The following MED18 variants were observed in gnomAD, a reference collection of about 807,000 sequenced individuals.
MED18 encodes mediator of RNA polymerase II transcription subunit 18.
Under a neutral mutation model 13.9 loss-of-function variants are expected in MED18, and 10 were observed. The ratio of observed to expected loss-of-function variants is 0.72; its 90% CI spans 0.44 to 1.22. The LOEUF (loss-of-function observed/expected upper bound fraction) is 1.22, where lower values mean the gene tolerates loss of function less well. Ranked by LOEUF, MED18 falls within the 50% of genes most tolerant of loss-of-function variation. MED18 has a pLI of 0.00. For missense variants in MED18, 216 were observed against 279.0 expected, an observed-to-expected ratio of 0.77 and a Z score of 1.61; for synonymous variants, 88 against 93.2, an observed-to-expected ratio of 0.94 and a Z score of 0.32.
intron 1 of MED18, 96 bp downstream of exon 1, chr1:28,329,276 C>CT (rs1324812796): frequency 1.5e-4 from 20 of 129,144 alleles, no homozygotes; most frequent in Admixed American, 3.1e-4. Flanking sequence ...TTGGCTCTCT[C>CT]TCTCTTTTTT....
At position 28,329,099 on chromosome 1, in the gene MED18, T is replaced by A. The variant is rs1649609503; in HGVS notation, c.-148T>A. 1 of 152,152 alleles carries A rather than the reference T, an allele frequency of 6.6e-6. No homozygotes were observed. The highest frequency in any genetic ancestry group is 1.5e-5 in the Non-Finnish European group (1 of 68,048). The allele number at this position is 152,152 out of a possible 1,614,324, so 9.4% of individuals were successfully genotyped here. A position where few individuals can be genotyped will look rare whatever the true frequency, so the allele number is the denominator to read the frequency against. On this transcript the variant is annotated 5_prime_UTR_variant, in exon 1 of 3. Coordinates refer to ENST00000373842, the MANE Select transcript of MED18 (RefSeq NM_017638.3). ...GGCTCGGGTAACCGGAGTGCTGGTA[T>A]CTAATCGTCGCTCAAAAGCTCCTAG...
At chr1:28,334,066 AAAAT>A (rs1373809113) in intron 2 of MED18, among the ~76,000 whole-genome samples, 1 of 152,190 alleles carries the variant, frequency 6.6e-6, no homozygotes, top group Non-Finnish European at 1.5e-5. Context: ...CAACTCTACA[AAAAT>A]AAATAAATAC....
At chr1:28,329,280 CT>C (rs771658895) in intron 1 of MED18, 100 bp downstream of exon 1, 188 of 96,042 alleles carry the variant, frequency 2.0e-3, no homozygotes, top group Middle Eastern at 8.5e-3. Context: ...CTCTCTCTCT[CT>C]TTTTTTTTTT....
intron 2 of MED18, 21 bp downstream of exon 2, chr1:28,330,756 G>C: frequency 6.4e-7 from 1 of 1,568,360 alleles, no homozygotes; most frequent in Non-Finnish European, 8.6e-7. Flanking sequence ...TAGGGAACTT[G>C]GATTACCTGT....
At chr1:28,332,681 A>G (rs767170794) in intron 2 of MED18, among the ~76,000 whole-genome samples, 11 of 152,294 alleles carry the variant, frequency 7.2e-5, no homozygotes, top group East Asian at 1.9e-4. Context: ...GGTAGCAGAG[A>G]CCATAATATG....
chr1:28,334,241 C>CA (rs1374894658), intron 2 of MED18, among the ~76,000 whole-genome samples, 176 bp from the exon 3 acceptor site: 2 of 152,168 alleles, frequency 1.3e-5, no homozygotes, highest in African/African-American at 2.4e-5. Context: ...AACTTTCTCA[C>CA]AACGTTATAC....
intron 2 of MED18, among the ~76,000 whole-genome samples, chr1:28,331,344 A>C (rs1403606257): frequency 1.3e-5 from 2 of 152,108 alleles, no homozygotes; most frequent in Admixed American, 1.3e-4. Context: ...TATTTCTTTG[A>C]GACAGAGTCT....
intron 1 of MED18, 23 bp downstream of exon 1, chr1:28,329,203 G>C (rs1052862069): frequency 1.3e-5 from 2 of 151,972 alleles, no homozygotes; most frequent in Non-Finnish European, 2.9e-5. Flanking sequence ...TGTTTAATTG[G>C]ATACGTGTTA....
In MED18 at chr1:28,330,698, T is replaced by TG; in HGVS notation, c.41dup (p.Thr15HisfsTer3). 6.2e-7 allele frequency: 1 copy of TG among 1,604,862 alleles called. No individual in the cohort carries two copies. The highest frequency in any genetic ancestry group is 8.5e-7 in the Non-Finnish European group (1 of 1,176,354). The stretch of plus-strand genomic sequence containing the variant: ...CTCCAGTCACCATGATGCCTGTCAC[T>TG]GGGGGCACCATTAACATGATGGAGT... On this transcript the variant is annotated frameshift_variant, in exon 2 of 3. Coordinates refer to ENST00000373842, the MANE Select transcript of MED18 (RefSeq NM_017638.3). LOFTEE classifies it high-confidence loss of function.
Position 28,334,786 on chromosome 1 carries a change from T to G in MED18, c.443T>G (p.Ile148Ser). Reference protein sequence around the residue: ...KGIMKIMVYKIFRILVPGNTD... With the variant: ...KGIMKIMVYKSFRILVPGNTD... The stretch of plus-strand genomic sequence containing the variant: ...ATCATGAAGATTATGGTGTACAAGA[T>G]TTTCCGCATCCTGGTGCCAGGGAAC... Residue 148 changes from isoleucine (I) to serine (S), a missense_variant, in exon 3 of 3, where the codon ATT becomes AGT. Physicochemically the swap from Ile to Ser is moderately radical, Grantham distance 142 (BLOSUM62 -2). Coordinates refer to ENST00000373842, the MANE Select transcript of MED18 (RefSeq NM_017638.3). The G allele has an allele frequency of 6.2e-7, 1 of 1,614,132 alleles. No individual in the cohort carries two copies. Among genetic ancestry groups the G allele is most frequent in the Non-Finnish European group, 8.5e-7 (1 of 1,180,038 alleles).
chr1:28,334,957 A>G lies in MED18; in HGVS notation c.614A>G (p.Lys205Arg). Residue 205 changes from lysine (K) to arginine (R), a missense_variant, in exon 3 of 3, where the codon AAG becomes AGG. Physicochemically the swap from Lys to Arg is conservative, Grantham distance 26. Coordinates refer to ENST00000373842, the MANE Select transcript of MED18 (RefSeq NM_017638.3). ...PLVHLEKIDPKRLM is the reference protein window; with the variant it reads ...PLVHLEKIDPRRLM ...GTTCACCTAGAGAAAATAGACCCCA[A>G]GAGGCTCATGTGACTAAGAGGATCT... 3.7e-6 allele frequency: 6 copies of G among 1,613,012 alleles called. No individual in the cohort carries two copies. The highest frequency in any genetic ancestry group is 5.1e-6 in the Non-Finnish European group (6 of 1,179,208).
chr1:28,333,457 G>A (rs777505814), intron 2 of MED18, among the ~76,000 whole-genome samples: 1 of 152,168 alleles, frequency 6.6e-6, no homozygotes, highest in African/African-American at 2.4e-5. Context: ...TTCATAGTGG[G>A]TATAATCTAC....
chr1:28,332,238 ACTCAT>A (rs1054869074), intron 2 of MED18, among the ~76,000 whole-genome samples: 70 of 151,500 alleles, frequency 4.6e-4, no homozygotes, highest in African/African-American at 1.5e-3. Context: ...CATAGCAAGA[ACTCAT>A]CTCTACTAAA....
rs146600843 is a variant in MED18 at position 28,334,709 on chromosome 1, C to T, written c.366C>T (p.Gly122=). The T allele has an allele frequency of 6.3e-5, 102 of 1,614,184 alleles. No individual in the cohort carries two copies. In the African/African-American group the frequency reaches 1.2e-3, roughly 19 times the overall value. Residue 122 remains glycine (G), a synonymous_variant, in exon 3 of 3, where the codon GGC becomes GGT. Coordinates refer to ENST00000373842, the MANE Select transcript of MED18 (RefSeq NM_017638.3). ...ENLTDFLMEM[G]FRMDHEFVAK... ...TCACCGACTTCTTGATGGAAATGGG[C>T]TTCCGCATGGACCATGAGTTTGTTG... is the stretch of plus-strand genomic sequence containing the variant.
chr1:28,331,892 A>G (rs1459868669), intron 2 of MED18, among the ~76,000 whole-genome samples: 2 of 152,020 alleles, frequency 1.3e-5, no homozygotes, highest in African/African-American at 4.8e-5. Flanking sequence ...ACAGGTGTGC[A>G]CCACCATGGC....
chr1:28,334,064 C>T (rs1649838874), intron 2 of MED18, among the ~76,000 whole-genome samples: 1 of 152,050 alleles, frequency 6.6e-6, no homozygotes, highest in Non-Finnish European at 1.5e-5. Flanking sequence ...CCCAACTCTA[C>T]AAAAATAAAT....
intron 1 of MED18, among the ~76,000 whole-genome samples, chr1:28,330,093 G>A (rs1460557128): frequency 1.3e-5 from 2 of 151,960 alleles, no homozygotes; most frequent in African/African-American, 2.4e-5. Context: ...CCAACATGAC[G>A]AAACCCCGTC....
At chr1:28,330,275 CAA>C (rs35222016) in intron 1 of MED18, 850 of 53,156 alleles carry the variant, frequency 0.016, 1 homozygote, top group South Asian at 0.045. Context: ...AACTCCGTCT[CAA>C]AAAAAAAAAA....
At chr1:28,330,275 CAAAAAA>C in intron 1 of MED18, 5 of 47,202 alleles carry the variant, frequency 1.1e-4, no homozygotes, top group South Asian at 6.3e-4. Context: ...AACTCCGTCT[CAAAAAA>C]AAAAAAAAAA....
Sources: allele counts gnomAD v4.1 joint callset (sites outside exome capture counted in the v4.1 genomes callset), GRCh38; gene constraint gnomAD v4.1.1; transcripts MANE v1.5; gene names NCBI Gene and HGNC (gene_info 2026-07-23, HGNC 2026-07-21).